The following NLRP4 variants were observed in gnomAD, a reference collection of about 807,000 sequenced individuals.
The protein encoded by NLRP4 is NLR family pyrin domain containing 4.
A neutral mutation model predicts 84.7 loss-of-function variants in NLRP4; 44 were observed. The ratio of observed to expected loss-of-function variants is 0.52; its 90% CI spans 0.41 to 0.67. The LOEUF (loss-of-function observed/expected upper bound fraction) is 0.67. NLRP4 is among the 30% of genes least tolerant of loss of function. NLRP4 has a pLI of 0.00. For synonymous variants in NLRP4, 544 were observed against 476.4 expected (o/e 1.14, Z -1.85); for missense variants, 1,260 against 1,219.4 (o/e 1.03, Z -0.50).
Position 55,837,697 on chromosome 19 carries a change from G to A in NLRP4, c.-66+763G>A, listed in dbSNP as rs568554543. On this transcript the variant is annotated intron_variant, in intron 1 of 9. Transcript: ENST00000301295. ...TAATTAGTTAAGGCGAGGTCATACT[G>A]GAGTGAGTGGCCCCCCTAACTTAAT... 5.9e-5 allele frequency among the ~76,000 whole-genome samples: 9 copies of A among 152,150 alleles called. No individual in the cohort carries two copies. The South Asian group carries it at 1.9e-3, about 32-fold the overall frequency.
At chr19:55,843,553 G>A (rs57246044) in intron 1 of NLRP4, among the ~76,000 whole-genome samples, 2,126 of 152,040 alleles carry the variant, frequency 0.014, 50 homozygotes, top group African/African-American at 0.048. Context: ...TTAGCCAGGC[G>A]TGGTGATGGG....
chr19:55,837,827 G>T (rs1247929691), intron 1 of NLRP4, among the ~76,000 whole-genome samples: 1 of 152,094 alleles, frequency 6.6e-6, no homozygotes. Flanking sequence ...TCTGAGCTCA[G>T]GAGTTTAAGA....
intron 3 of NLRP4, 101 bp downstream of exon 3, chr19:55,859,350 C>T: frequency 1.1e-6 from 1 of 928,848 alleles, no homozygotes; most frequent in East Asian, 2.5e-5. Flanking sequence ...TGGTTAGAAA[C>T]TCATTTTTTC....
chr19:55,847,900 A>T (rs1983860825), intron 1 of NLRP4, among the ~76,000 whole-genome samples: 1 of 152,054 alleles, frequency 6.6e-6, no homozygotes, highest in South Asian at 2.1e-4. Flanking sequence ...TATTTTTAGT[A>T]GAGATGGGGT....
intron 2 of NLRP4, among the ~76,000 whole-genome samples, chr19:55,856,808 C>T (rs560649466): frequency 4.0e-4 from 61 of 152,236 alleles, no homozygotes; most frequent in Non-Finnish European, 7.8e-4. Flanking sequence ...ACCACTGCCC[C>T]GGCCTGTTGT....
At chr19:55,867,614 G>A in intron 5 of NLRP4, 95 bp from the exon 6 acceptor site, 6 of 1,139,004 alleles carry the variant, frequency 5.3e-6, no homozygotes, top group Non-Finnish European at 7.7e-6. Flanking sequence ...CTCAAGGACA[G>A]CAAATGTGGG....
intron 2 of NLRP4, chr19:55,857,325 A>ATGTGTG (rs35115500): frequency 0.033 from 8,882 of 272,276 alleles, 153 homozygotes; most frequent in African/African-American, 0.064. Flanking sequence ...GTAGCAATGA[A>ATGTGTG]TGTGTGTGTG....
chr19:55,849,498 T>C (rs1983931842), intron 1 of NLRP4, among the ~76,000 whole-genome samples: 1 of 152,198 alleles, frequency 6.6e-6, no homozygotes, highest in Admixed American at 6.5e-5. Context: ...GCAGAGTCCC[T>C]TCCTGATGAA....
intron 7 of NLRP4, among the ~76,000 whole-genome samples, chr19:55,871,879 C>G (rs367563719): frequency 4.0e-5 from 6 of 149,566 alleles, no homozygotes; most frequent in African/African-American, 1.5e-4. Context: ...AGAAGAGTCT[C>G]GCTCTGTCAG....
At position 55,878,982 on chromosome 19, in the gene NLRP4, G is replaced by A. The variant is rs780473564; in HGVS notation, c.2867+18G>A. 1 of 1,602,788 alleles carries A rather than the reference G, an allele frequency of 6.2e-7. No homozygotes were observed. Among genetic ancestry groups the A allele is most frequent in the African/African-American group, 1.3e-5 (1 of 74,686 alleles). On this transcript the variant is annotated intron_variant, in intron 9 of 9. Coordinates refer to ENST00000301295, the MANE Select transcript of NLRP4 (RefSeq NM_134444.5). Reference sequence around the variant, plus strand: ...GTGCTCGGGTGAGCTGGGGTCTGTTGTGCTCTATGGGCAGAGTGCTCCGGG... The same window carrying A: ...GTGCTCGGGTGAGCTGGGGTCTGTTATGCTCTATGGGCAGAGTGCTCCGGG...
intron 2 of NLRP4, among the ~76,000 whole-genome samples, chr19:55,853,293 G>T (rs572717167): frequency 4.2e-4 from 64 of 152,224 alleles, no homozygotes; most frequent in Non-Finnish European, 7.6e-4. Flanking sequence ...TAATATTCTT[G>T]CATCTGAGGT....
intron 6 of NLRP4, among the ~76,000 whole-genome samples, chr19:55,869,781 C>T (rs1985102517): frequency 1.2e-5 from 1 of 83,278 alleles, no homozygotes; most frequent in Admixed American, 1.4e-4. Flanking sequence ...CAACATGGAT[C>T]CTTAAAAAAA....
chr19:55,855,683 A>G (rs549720894), intron 2 of NLRP4, among the ~76,000 whole-genome samples: 10 of 152,342 alleles, frequency 6.6e-5, no homozygotes, highest in African/African-American at 2.4e-4. Context: ...TCCCATCTAC[A>G]ACTGCCCCCT....
chr19:55,847,238 T>C (rs1226092271), intron 1 of NLRP4, among the ~76,000 whole-genome samples: 4 of 152,214 alleles, frequency 2.6e-5, no homozygotes, highest in Non-Finnish European at 4.4e-5. Flanking sequence ...ACTTAACCCT[T>C]TTATTGACTT....
intron 1 of NLRP4, among the ~76,000 whole-genome samples, chr19:55,850,492 A>AGGCTGCGGTGTAATGTCCGT (rs1984048603): frequency 4.6e-4 from 12 of 26,164 alleles, no homozygotes; most frequent in Admixed American, 1.7e-3. Flanking sequence ...GTAATTTCCG[A>AGGCTGCGGTGTAATGTCCGT]GGCTGCGGTG....
intron 5 of NLRP4, among the ~76,000 whole-genome samples, chr19:55,867,340 G>C (rs1006961014): frequency 6.7e-6 from 1 of 149,156 alleles, no homozygotes; most frequent in Admixed American, 6.7e-5. Context: ...CAGGTTGGCT[G>C]TCTCTGTACC....
intron 5 of NLRP4, among the ~76,000 whole-genome samples, chr19:55,867,348 A>T (rs968046680): frequency 7.0e-6 from 1 of 143,008 alleles, no homozygotes; most frequent in Non-Finnish European, 1.5e-5. Flanking sequence ...CTGTCTCTGT[A>T]CCCTAGAGAC....
chr19:55,868,363 T>C (rs910648655), intron 6 of NLRP4, among the ~76,000 whole-genome samples: 1 of 152,152 alleles, frequency 6.6e-6, no homozygotes, highest in Non-Finnish European at 1.5e-5. Context: ...AAGCCAGTTT[T>C]AGGGTACGTA....
At chr19:55,856,510 T>C (rs1173954847) in intron 2 of NLRP4, among the ~76,000 whole-genome samples, 11 of 137,112 alleles carry the variant, frequency 8.0e-5, no homozygotes, top group Non-Finnish European at 3.0e-5. Flanking sequence ...TGTTGCTGGA[T>C]CTTTTTTTTT....
Sources: allele counts gnomAD v4.1 joint callset (sites outside exome capture counted in the v4.1 genomes callset), GRCh38; gene constraint gnomAD v4.1.1; transcripts MANE v1.5; gene names NCBI Gene and HGNC (gene_info 2026-07-23, HGNC 2026-07-21).